Variants in CDKAL1 observed in about 807,000 individuals in gnomAD.
The protein encoded by CDKAL1 is CDKAL1 threonylcarbamoyladenosine tRNA methylthiotransferase, also known as threonylcarbamoyladenosine tRNA methylthiotransferase.
Under a neutral mutation model 68.2 loss-of-function variants are expected in CDKAL1, and 32 were observed. That is an observed-to-expected ratio of 0.47 (90% CI 0.35 to 0.63). The LOEUF (loss-of-function observed/expected upper bound fraction) is 0.63. CDKAL1 is among the 30% of genes least tolerant of loss of function. The pLI is 0.00. For missense variants in CDKAL1, 606 were observed against 696.7 expected (o/e 0.87, Z 1.47); for synonymous variants, 234 against 244.3 (o/e 0.96, Z 0.39).
chr6:21,127,128 T>A (rs1290534018), intron 13 of CDKAL1, among the ~76,000 whole-genome samples: 1 of 152,216 alleles, frequency 6.6e-6, no homozygotes, highest in Non-Finnish European at 1.5e-5. Context: ...ATGTGTTGAT[T>A]GACTTAAGCC....
intron 2 of CDKAL1, among the ~76,000 whole-genome samples, chr6:20,545,480 A>G (rs973272571): frequency 1.3e-5 from 2 of 152,096 alleles, no homozygotes; most frequent in Non-Finnish European, 2.9e-5. Context: ...TCTGTTGCCC[A>G]GGCTGGAGTG....
At chr6:20,568,923 A>G (rs745727613) in intron 4 of CDKAL1, among the ~76,000 whole-genome samples, 1 of 151,898 alleles carries the variant, frequency 6.6e-6, no homozygotes, top group Admixed American at 6.6e-5. Flanking sequence ...CTCTATTGCA[A>G]TTATTTATGT....
At position 20,599,618 on chromosome 6, in the gene CDKAL1, TG is replaced by T. The variant is rs141536312; in HGVS notation, c.287-49673del. 8.0e-3 allele frequency among the ~76,000 whole-genome samples: 1,224 copies of T among 152,310 alleles called. 22 individuals carry two copies. Among genetic ancestry groups the T allele is most frequent in the African/African-American group, 0.027 (1,143 of 41,566 alleles). ...TGTATTGTTAAGAGTTCAAATTCTG[TG>T]GATATGAAAGTTTACAGTGTATACC... is the stretch of plus-strand genomic sequence containing the variant. On this transcript the variant is annotated intron_variant, in intron 4 of 15. Transcript: ENST00000274695.
intron 5 of CDKAL1, among the ~76,000 whole-genome samples, chr6:20,736,835 A>C (rs755054662): frequency 6.6e-6 from 1 of 152,076 alleles, no homozygotes; most frequent in Non-Finnish European, 1.5e-5. Flanking sequence ...TAGGGTATTA[A>C]ATTAATTTCC....
At chr6:20,541,429 C>G (rs945339317) in intron 2 of CDKAL1, among the ~76,000 whole-genome samples, 7 of 152,182 alleles carry the variant, frequency 4.6e-5, no homozygotes, top group African/African-American at 1.7e-4. Flanking sequence ...CTGTAGCAGA[C>G]AAGAGGGCTC....
At chr6:20,641,283 T>G (rs927950836) in intron 4 of CDKAL1, among the ~76,000 whole-genome samples, 1 of 152,162 alleles carries the variant, frequency 6.6e-6, no homozygotes, top group Non-Finnish European at 1.5e-5. Flanking sequence ...TTAAAAAGCG[T>G]TGATAAGTTT....
At chr6:20,649,146 C>A in intron 4 of CDKAL1, 147 bp from the exon 5 acceptor site, 1 of 608,872 alleles carries the variant, frequency 1.6e-6, no homozygotes. Flanking sequence ...TTTCCATGTT[C>A]TAGCAATTTT....
chr6:21,026,048 T>G (rs533080824), intron 11 of CDKAL1, among the ~76,000 whole-genome samples: 17 of 152,262 alleles, frequency 1.1e-4, no homozygotes, highest in Non-Finnish European at 2.1e-4. Flanking sequence ...TTTTTTTTGC[T>G]TACTCATTTC....
At chr6:20,904,999 C>T (rs144021501) in intron 9 of CDKAL1, among the ~76,000 whole-genome samples, 4 of 152,176 alleles carry the variant, frequency 2.6e-5, no homozygotes, top group African/African-American at 7.2e-5. Context: ...CCAGAATCAC[C>T]GCATTATTAG....
rs116637719 is a variant in CDKAL1 at position 21,201,736 on chromosome 6, A to G, written c.1548+462A>G. 1.1e-3 allele frequency among the ~76,000 whole-genome samples: 167 copies of G among 152,344 alleles called. 2 individuals carry two copies. The highest frequency in any genetic ancestry group is 1.2e-3 in the Non-Finnish European group (82 of 68,038). ...CCTTTCAGAAGGGTGTTAGCTGGAT[A>G]TCTACTTTAGTCATGTGGAGTGAAA... On this transcript the variant is annotated intron_variant, in intron 15 of 15. Transcript: ENST00000274695.
rs1237124956 is a variant in CDKAL1 at position 20,567,220 on chromosome 6, G to C, written c.286+18515G>C. On this transcript the variant is annotated intron_variant, in intron 4 of 15. Transcript: ENST00000274695. ...GTAATCGTGGTCTTTGCCATTGAAA[G>C]TAATGGCAAAGACCACGATTACTTT... 3.5e-5 allele frequency among the ~76,000 whole-genome samples: 5 copies of C among 144,540 alleles called. No individual in the cohort carries two copies. The East Asian group carries it at 9.7e-4, about 28-fold the overall frequency. 94.8% of individuals were successfully genotyped at this position (144,540 alleles called of 152,430 possible). A position where few individuals can be genotyped will look rare whatever the true frequency, so the allele number is the denominator to read the frequency against.
intron 11 of CDKAL1, among the ~76,000 whole-genome samples, chr6:21,020,096 CAAA>C (rs34639729): frequency 6.6e-6 from 1 of 151,882 alleles, no homozygotes; most frequent in Non-Finnish European, 1.5e-5. Flanking sequence ...CTCTTTCCTC[CAAA>C]AAAAGTAAAA....
At chr6:21,128,859 T>C (rs1775147188) in intron 13 of CDKAL1, among the ~76,000 whole-genome samples, 1 of 152,232 alleles carries the variant, frequency 6.6e-6, no homozygotes, top group East Asian at 1.9e-4. Context: ...TTAAGGGGTG[T>C]TGAACAGCAT....
intron 4 of CDKAL1, among the ~76,000 whole-genome samples, chr6:20,619,213 G>A (rs1052254798): frequency 6.6e-6 from 1 of 152,118 alleles, no homozygotes; most frequent in Non-Finnish European, 1.5e-5. Flanking sequence ...CTTAAAACAT[G>A]GTTCAGACTC....
intron 9 of CDKAL1, among the ~76,000 whole-genome samples, chr6:20,929,905 G>A (rs1418723714): frequency 2.0e-5 from 3 of 152,174 alleles, no homozygotes; most frequent in Non-Finnish European, 4.4e-5. Context: ...GTTTTAAGAT[G>A]TCAGCACCTG....
intron 4 of CDKAL1, among the ~76,000 whole-genome samples, chr6:20,562,741 TA>T (rs79790891): frequency 4.2e-3 from 590 of 142,032 alleles, no homozygotes; most frequent in Non-Finnish European, 5.1e-3. Flanking sequence ...GACTCCATCT[TA>T]AAAAAAAAAA....
chr6:20,743,436 C>T (rs77430518), intron 6 of CDKAL1, among the ~76,000 whole-genome samples: 2,312 of 152,190 alleles, frequency 0.015, 50 homozygotes, highest in African/African-American at 0.052. Flanking sequence ...TTTTATTGTA[C>T]TTACCCATGT....
intron 5 of CDKAL1, among the ~76,000 whole-genome samples, chr6:20,664,679 A>G (rs1363990231): frequency 1.3e-5 from 2 of 152,158 alleles, no homozygotes; most frequent in African/African-American, 4.8e-5. Context: ...GATCAAGTAA[A>G]TTTTTTAAAA....
chr6:20,979,772 CTTT>C (rs58698004), intron 10 of CDKAL1, among the ~76,000 whole-genome samples: 12,725 of 131,732 alleles, frequency 0.097, 892 homozygotes, highest in African/African-American at 0.22. Flanking sequence ...TTCATAGTAT[CTTT>C]TTTTTTTTTT....
Sources: gnomAD v4.1 joint callset for allele counts (sites outside exome capture counted in the v4.1 genomes callset) on GRCh38, gnomAD v4.1.1 for gene constraint, MANE v1.5 for transcripts, NCBI Gene and HGNC (gene_info 2026-07-23, HGNC 2026-07-21) for gene names.